Variants in ACADM observed in about 807,000 individuals in gnomAD.
ACADM encodes the protein medium-chain specific acyl-CoA dehydrogenase, mitochondrial.
In ACADM, 49 loss-of-function variants were observed where a neutral mutation model predicts 58.9. The ratio of observed to expected loss-of-function variants is 0.83; its 90% CI spans 0.66 to 1.06. ACADM has a LOEUF of 1.06. ACADM is among the 50% of genes least tolerant of loss of function. The pLI, the probability that ACADM is intolerant of heterozygous loss-of-function variation, is 0.00. For missense variants in ACADM, 496 were observed against 507.0 expected (o/e 0.98, Z 0.21); for synonymous variants, 160 against 157.7 (o/e 1.01, Z -0.11).
intron 3 of ACADM, 47 bp downstream of exon 3, chr1:75,732,788 C>T (rs778055470): frequency 9.4e-6 from 15 of 1,602,618 alleles, no homozygotes; most frequent in Admixed American, 5.0e-5. Context: ...ACATTTTTTA[C>T]AAGATTATGT....
intron 7 of ACADM, among the ~76,000 whole-genome samples, chr1:75,740,989 G>A (rs999948195): frequency 2.0e-5 from 3 of 152,154 alleles, no homozygotes; most frequent in African/African-American, 7.2e-5. Flanking sequence ...TTTACTTCAG[G>A]ATGCCAGCTT....
intron 1 of ACADM, among the ~76,000 whole-genome samples, 194 bp from the exon 2 acceptor site, chr1:75,728,207 C>T (rs1005722541): frequency 2.0e-5 from 3 of 152,092 alleles, no homozygotes; most frequent in African/African-American, 7.2e-5. Context: ...AAAAACATCT[C>T]CTCTGTAATA....
At chr1:75,742,750 G>A (rs1162799776) in intron 7 of ACADM, among the ~76,000 whole-genome samples, 1 of 152,108 alleles carries the variant, frequency 6.6e-6, no homozygotes, top group Admixed American at 6.5e-5. Flanking sequence ...GGGCAGACCT[G>A]GGCTCTCCTT....
At chr1:75,755,371 T>C (rs1648443629) in intron 10 of ACADM, among the ~76,000 whole-genome samples, 1 of 152,190 alleles carries the variant, frequency 6.6e-6, no homozygotes, top group Non-Finnish European at 1.5e-5. Flanking sequence ...TAGGGGCCGA[T>C]TGACACCTCA....
intron 10 of ACADM, among the ~76,000 whole-genome samples, chr1:75,756,348 A>G (rs1648504576): frequency 6.6e-6 from 1 of 152,230 alleles, no homozygotes; most frequent in Admixed American, 6.5e-5. Flanking sequence ...CCTTAAGCAG[A>G]TAAGCAACTT....
intron 6 of ACADM, 52 bp from the exon 7 acceptor site, chr1:75,739,928 A>G (rs561489657): frequency 7.1e-7 from 1 of 1,413,968 alleles, no homozygotes; most frequent in African/African-American, 1.4e-5. Flanking sequence ...CAAACAGTCA[A>G]AATTTAATCA....
At chr1:75,741,884 C>A (rs1207862594) in intron 7 of ACADM, among the ~76,000 whole-genome samples, 2 of 152,098 alleles carry the variant, frequency 1.3e-5, no homozygotes, top group Non-Finnish European at 2.9e-5. Context: ...TGTTGCACTT[C>A]AAGATCTTTC....
chr1:75,751,493 C>T, intron 10 of ACADM, among the ~76,000 whole-genome samples: 1 of 144,274 alleles, frequency 6.9e-6, no homozygotes, highest in African/African-American at 2.6e-5. Context: ...AGGATCCTTG[C>T]TTTTTTTTTT....
intron 10 of ACADM, chr1:75,755,069 T>A (rs1198627149): frequency 6.6e-6 from 1 of 152,458 alleles, no homozygotes; most frequent in Admixed American, 6.5e-5. Context: ...GGGAGGGGCA[T>A]CCGCCATTGC....
At chr1:75,748,102 A>T (rs953315053) in intron 8 of ACADM, among the ~76,000 whole-genome samples, 2 of 152,190 alleles carry the variant, frequency 1.3e-5, no homozygotes, top group African/African-American at 4.8e-5. Flanking sequence ...TAAACATGAG[A>T]TCAAGTTTTT....
chr1:75,755,973 T>C (rs1648483571), intron 10 of ACADM, among the ~76,000 whole-genome samples: 1 of 152,210 alleles, frequency 6.6e-6, no homozygotes, highest in African/African-American at 2.4e-5. Flanking sequence ...CAAAAACTTA[T>C]GATTATCTCA....
intron 1 of ACADM, 128 bp from the exon 2 acceptor site, chr1:75,728,273 T>A (rs1216762929): frequency 1.6e-6 from 1 of 630,526 alleles, no homozygotes; most frequent in Non-Finnish European, 2.7e-6. Context: ...GGCATTTAAA[T>A]AGTGATGACT....
At chr1:75,756,114 A>T (rs1401298460) in intron 10 of ACADM, among the ~76,000 whole-genome samples, 1 of 152,236 alleles carries the variant, frequency 6.6e-6, no homozygotes, top group Non-Finnish European at 1.5e-5. Flanking sequence ...TATCATACTG[A>T]ATGGGCAAAA....
intron 10 of ACADM, among the ~76,000 whole-genome samples, chr1:75,752,644 T>C (rs1648269582): frequency 6.6e-6 from 1 of 152,226 alleles, no homozygotes; most frequent in South Asian, 2.1e-4. Flanking sequence ...GTTTTTTCCA[T>C]TATACCTTCT....
intron 7 of ACADM, among the ~76,000 whole-genome samples, chr1:75,743,071 C>G (rs1418099403): frequency 6.6e-6 from 1 of 152,122 alleles, no homozygotes; most frequent in Non-Finnish European, 1.5e-5. Flanking sequence ...TCACATGGTC[C>G]TCGGGGGTTT....
chr1:75,760,808 T>A (rs946367364), intron 10 of ACADM, among the ~76,000 whole-genome samples: 1 of 152,202 alleles, frequency 6.6e-6, no homozygotes, highest in Admixed American at 6.5e-5. Context: ...TATACCAGTG[T>A]TAATGTCCTG....
intron 10 of ACADM, among the ~76,000 whole-genome samples, chr1:75,760,713 A>G (rs1016818650): frequency 1.3e-5 from 2 of 152,128 alleles, no homozygotes; most frequent in Non-Finnish European, 2.9e-5. Flanking sequence ...AGAAATAACT[A>G]AATTCAACGT....
intron 8 of ACADM, 27 bp downstream of exon 8, chr1:75,745,941 C>T (rs1205289659): frequency 3.4e-6 from 5 of 1,475,190 alleles, no homozygotes; most frequent in Admixed American, 3.4e-5. Context: ...TGATTAGGGC[C>T]CCAAATATTA....
At chr1:75,750,416 A>G in intron 9 of ACADM, 35 bp from the exon 10 acceptor site, 1 of 1,521,260 alleles carries the variant, frequency 6.6e-7, no homozygotes, top group Non-Finnish European at 9.0e-7. Flanking sequence ...TAAAGATAAC[A>G]TGAACTTTTG....
Sources: gnomAD v4.1 joint callset for allele counts (sites outside exome capture counted in the v4.1 genomes callset) on GRCh38, gnomAD v4.1.1 for gene constraint, MANE v1.5 for transcripts, NCBI Gene and HGNC (gene_info 2026-07-23, HGNC 2026-07-21) for gene names.